The following MAD1L1 variants were observed in gnomAD, a reference collection of about 807,000 sequenced individuals.
MAD1L1 encodes mitotic arrest deficient 1 like 1.
In MAD1L1, 95 loss-of-function variants were observed where a neutral mutation model predicts 96.9. The observed-to-expected ratio is 0.98, with a 90% confidence interval of 0.83 to 1.16. The LOEUF is 1.16. MAD1L1 is among the 50% of genes most tolerant of loss of function. MAD1L1 has a pLI of 0.00. For synonymous variants in MAD1L1, 473 were observed against 396.6 expected (o/e 1.19, Z -2.29); for missense variants, 1,007 against 954.4 (o/e 1.06, Z -0.73).
At chr7:2,039,718 A>G (rs1383654513) in intron 12 of MAD1L1, among the ~76,000 whole-genome samples, 2 of 152,046 alleles carry the variant, frequency 1.3e-5, no homozygotes, top group African/African-American at 4.8e-5. Flanking sequence ...TTGTTTTTCT[A>G]TTACTGAGTT....
At chr7:1,967,234 A>C (rs577239415) in intron 15 of MAD1L1, among the ~76,000 whole-genome samples, 26 of 152,318 alleles carry the variant, frequency 1.7e-4, no homozygotes, top group African/African-American at 6.0e-4. Flanking sequence ...CAGAGCAAAC[A>C]CTCAAAACAT....
In MAD1L1 at chr7:1,952,134, C is replaced by T. The variant is rs1158174433; in HGVS notation, c.1596+5495G>A. 2.6e-5 allele frequency among the ~76,000 whole-genome samples: 4 copies of T among 152,304 alleles called. 1 individual carries two copies. Among genetic ancestry groups the T allele is most frequent in the East Asian group, 1.9e-4 (1 of 5,182 alleles). On this transcript the variant is annotated intron_variant, in intron 16 of 18. Coordinates refer to ENST00000265854, the MANE Select transcript of MAD1L1 (RefSeq NM_001013836.2). ...TTCTCCCTAGGCTGCCAGGAAGCTC[C>T]GATTAAAACAGACGCCCAACTTCAC...
intron 18 of MAD1L1, among the ~76,000 whole-genome samples, chr7:1,880,471 G>A (rs1420936730): frequency 2.6e-5 from 4 of 152,212 alleles, no homozygotes; most frequent in Non-Finnish European, 4.4e-5. Flanking sequence ...ACACAGTGAT[G>A]ACAAAGGGCC....
chr7:1,822,444 T>TATATATATATA (rs1562425913), intron 18 of MAD1L1, among the ~76,000 whole-genome samples: 18 of 87,000 alleles, frequency 2.1e-4, no homozygotes, highest in African/African-American at 6.2e-4. Flanking sequence ...ATATATATAT[T>TATATATATATA]TTTTTTTTTT....
At chr7:2,069,948 C>G (rs1269209031) in intron 11 of MAD1L1, among the ~76,000 whole-genome samples, 1 of 152,246 alleles carries the variant, frequency 6.6e-6, no homozygotes, top group Non-Finnish European at 1.5e-5. Flanking sequence ...GCCACTGCCT[C>G]AGTCCCTGTG....
intron 11 of MAD1L1, among the ~76,000 whole-genome samples, chr7:2,084,835 G>A (rs186045686): frequency 2.6e-5 from 4 of 152,326 alleles, no homozygotes; most frequent in East Asian, 3.9e-4. Context: ...GGGGGCAGGA[G>A]GGTGCTCCCA....
intron 14 of MAD1L1, among the ~76,000 whole-genome samples, chr7:2,001,582 G>T (rs1387953541): frequency 6.6e-6 from 1 of 152,246 alleles, no homozygotes; most frequent in Non-Finnish European, 1.5e-5. Flanking sequence ...TGCATTCACA[G>T]AGGGCAGATA....
rs940058283 is a variant in MAD1L1, at chr7:2,223,341, A to G, written c.292-587T>C. On this transcript the variant is annotated intron_variant, in intron 4 of 18. Transcript: ENST00000265854. ...GCCTTAGGGAGGCCGCGTGGCTCTCACTGGTTGGGATGGGACATGACCAAG... is the reference window on the plus strand; with the variant it reads ...GCCTTAGGGAGGCCGCGTGGCTCTCGCTGGTTGGGATGGGACATGACCAAG... Among the ~76,000 whole-genome samples the G allele has an allele frequency of 3.3e-5, 5 of 152,090 alleles. No individual in the cohort carries two copies. The East Asian group carries it at 9.6e-4, about 29-fold the overall frequency.
At chr7:2,208,138 T>C (rs1189098797) in intron 10 of MAD1L1, among the ~76,000 whole-genome samples, 1 of 152,208 alleles carries the variant, frequency 6.6e-6, no homozygotes, top group African/African-American at 2.4e-5. Flanking sequence ...GTACAAATCT[T>C]ACACAGATTT....
Position 2,217,957 on chromosome 7 carries a change from C to T in MAD1L1, c.678+5G>A, listed in dbSNP as rs1466026397. On this transcript the variant is annotated splice_donor_5th_base_variant and intron_variant, in intron 7 of 18. Transcript: ENST00000265854. ...TCCACAAGGCACTGACAGGGAGTGACTCACCTTAATCTGCTGCTCGTGGTC... is the reference window on the plus strand; with the variant it reads ...TCCACAAGGCACTGACAGGGAGTGATTCACCTTAATCTGCTGCTCGTGGTC... 1.2e-6 allele frequency: 2 copies of T among 1,612,108 alleles called. No individual in the cohort carries two copies. Among genetic ancestry groups the T allele is most frequent in the Non-Finnish European group, 1.7e-6 (2 of 1,178,138 alleles).
intron 18 of MAD1L1, among the ~76,000 whole-genome samples, chr7:1,881,900 C>T (rs1371554080): frequency 3.9e-5 from 6 of 152,226 alleles, no homozygotes; most frequent in South Asian, 2.1e-4. Flanking sequence ...ATATGAGGAA[C>T]GCTGTGATTT....
chr7:2,048,994 A>T (rs1411616789), intron 12 of MAD1L1, among the ~76,000 whole-genome samples: 1 of 152,258 alleles, frequency 6.6e-6, no homozygotes, highest in African/African-American at 2.4e-5. Flanking sequence ...TTAGGAACAC[A>T]CATCACCTTA....
intron 18 of MAD1L1, among the ~76,000 whole-genome samples, chr7:1,891,063 C>T (rs1786507271): frequency 6.6e-6 from 1 of 152,142 alleles, no homozygotes; most frequent in Non-Finnish European, 1.5e-5. Flanking sequence ...CCGGCAGGGG[C>T]AGCAAGGATG....
At chr7:1,861,162 G>A (rs1242817819) in intron 18 of MAD1L1, among the ~76,000 whole-genome samples, 1 of 152,146 alleles carries the variant, frequency 6.6e-6, no homozygotes, top group Non-Finnish European at 1.5e-5. Flanking sequence ...AGACGGGCAG[G>A]AGGCTGGTGA....
At chr7:1,902,555 T>A (rs1470391296) in intron 17 of MAD1L1, among the ~76,000 whole-genome samples, 2 of 152,202 alleles carry the variant, frequency 1.3e-5, no homozygotes, top group African/African-American at 4.8e-5. Flanking sequence ...CTTTTAAAGG[T>A]ACCGACGGAT....
intron 15 of MAD1L1, among the ~76,000 whole-genome samples, chr7:1,962,519 C>A (rs1222507167): frequency 2.6e-5 from 4 of 152,128 alleles, no homozygotes; most frequent in Admixed American, 2.0e-4. Flanking sequence ...AAAGACAAGA[C>A]ACAGACTGGG....
At chr7:2,202,122 G>C (rs555360160) in intron 10 of MAD1L1, 1 of 152,588 alleles carries the variant, frequency 6.6e-6, no homozygotes, top group Non-Finnish European at 1.5e-5. Context: ...AGACGCCCTC[G>C]CTCGGTCCTC....
chr7:1,984,277 A>C (rs371722123), intron 14 of MAD1L1, among the ~76,000 whole-genome samples: 9 of 152,240 alleles, frequency 5.9e-5, no homozygotes, highest in East Asian at 5.8e-4. Context: ...ATCACACTGC[A>C]ATCACAAGAA....
intron 11 of MAD1L1, among the ~76,000 whole-genome samples, chr7:2,104,385 G>A (rs1786977263): frequency 6.6e-6 from 1 of 152,276 alleles, no homozygotes; most frequent in Non-Finnish European, 1.5e-5. Flanking sequence ...CGCAATAGCA[G>A]GCCAAGGGGG....
Sources: gnomAD v4.1 joint callset for allele counts (sites outside exome capture counted in the v4.1 genomes callset) on GRCh38, gnomAD v4.1.1 for gene constraint, MANE v1.5 for transcripts, NCBI Gene and HGNC (gene_info 2026-07-23, HGNC 2026-07-21) for gene names.